CNTN5: variants seen among roughly 807,000 people sequenced by gnomAD.
The protein encoded by CNTN5 is contactin 5.
Under a neutral mutation model 129.1 loss-of-function variants are expected in CNTN5, and 77 were observed. The ratio of observed to expected loss-of-function variants is 0.60; its 90% CI spans 0.50 to 0.72. CNTN5 has a LOEUF of 0.72. CNTN5 is among the 30% of genes least tolerant of loss of function. The pLI is 0.00. For synonymous variants in CNTN5, 509 were observed against 465.6 expected, an observed-to-expected ratio of 1.09 and a Z score of -1.20; for missense variants, 1,478 against 1,328.8, an observed-to-expected ratio of 1.11 and a Z score of -1.75.
chr11:99,459,951 A>G (rs2135228768), intron 2 of CNTN5, among the ~76,000 whole-genome samples: 1 of 152,166 alleles, frequency 6.6e-6, no homozygotes, highest in East Asian at 1.9e-4. Flanking sequence ...AGCTAGTATT[A>G]CTAGACACAT....
At chr11:99,759,456 C>T (rs1050058582) in intron 3 of CNTN5, among the ~76,000 whole-genome samples, 1 of 151,904 alleles carries the variant, frequency 6.6e-6, no homozygotes, top group Non-Finnish European at 1.5e-5. Context: ...ATTATGAAGG[C>T]ACGTAAACTG....
intron 4 of CNTN5, among the ~76,000 whole-genome samples, chr11:99,834,276 C>T (rs764569218): frequency 3.7e-4 from 57 of 152,090 alleles, no homozygotes; most frequent in Non-Finnish European, 6.9e-4. Context: ...GCTGCATTCA[C>T]GGGGATTTTT....
intron 1 of CNTN5, among the ~76,000 whole-genome samples, chr11:99,323,474 T>C (rs1262663799): frequency 1.3e-5 from 2 of 152,284 alleles, no homozygotes; most frequent in African/African-American, 2.4e-5. Flanking sequence ...TAGTTCATAA[T>C]GAAATGTGAA....
chr11:100,242,343 C>A (rs750918651), intron 16 of CNTN5, among the ~76,000 whole-genome samples: 1 of 152,060 alleles, frequency 6.6e-6, no homozygotes, highest in African/African-American at 2.4e-5. Context: ...TTCTTCATTG[C>A]GTTTGTTACT....
At chr11:99,348,971 G>A (rs563999882) in intron 2 of CNTN5, among the ~76,000 whole-genome samples, 13 of 152,134 alleles carry the variant, frequency 8.5e-5, no homozygotes, top group Non-Finnish European at 1.3e-4. Context: ...AATGAAACAA[G>A]CAACAAAGAT....
At chr11:99,394,560 T>TAA (rs1292261224) in intron 2 of CNTN5, among the ~76,000 whole-genome samples, 5 of 151,664 alleles carry the variant, frequency 3.3e-5, no homozygotes, top group African/African-American at 7.2e-5. Flanking sequence ...ACTTTTATTT[T>TAA]AAGTTCGGGG....
At chr11:99,347,346 T>C (rs1172180371) in intron 2 of CNTN5, among the ~76,000 whole-genome samples, 2 of 152,194 alleles carry the variant, frequency 1.3e-5, no homozygotes, top group East Asian at 3.9e-4. Context: ...GGAAGTGTTA[T>C]AAAACTTCCA....
chr11:100,036,543 G>A (rs1192946259), intron 9 of CNTN5, among the ~76,000 whole-genome samples: 3 of 145,354 alleles, frequency 2.1e-5, no homozygotes, highest in Non-Finnish European at 4.6e-5. Context: ...CATTGAATCT[G>A]TAAATTACCT....
chr11:100,104,614 GTTAAC>G (rs749459888), intron 13 of CNTN5, among the ~76,000 whole-genome samples: 3 of 152,082 alleles, frequency 2.0e-5, no homozygotes, highest in Non-Finnish European at 2.9e-5. Flanking sequence ...GAAGGTAACA[GTTAAC>G]TTTACATGGG....
At chr11:99,420,775 T>C (rs1038132845) in intron 2 of CNTN5, among the ~76,000 whole-genome samples, 3 of 152,186 alleles carry the variant, frequency 2.0e-5, no homozygotes, top group African/African-American at 7.2e-5. Context: ...TAAGAAAATA[T>C]GGGCAAGATA....
At chr11:99,407,942 A>C (rs1326069598) in intron 2 of CNTN5, among the ~76,000 whole-genome samples, 1 of 152,136 alleles carries the variant, frequency 6.6e-6, no homozygotes, top group African/African-American at 2.4e-5. Flanking sequence ...CAGGGATTGG[A>C]GAAGTGTGAC....
intron 2 of CNTN5, among the ~76,000 whole-genome samples, chr11:99,337,806 A>C (rs1866300278): frequency 6.6e-6 from 1 of 152,150 alleles, no homozygotes; most frequent in Non-Finnish European, 1.5e-5. Flanking sequence ...AATGTATAAG[A>C]AGTCTTTTTT....
rs111295038 is a variant in CNTN5 at position 99,944,683 on chromosome 11, A to T, written c.674-12123A>T. On this transcript the variant is annotated intron_variant, in intron 7 of 24. Transcript: ENST00000524871. ...AGCTAAGTCTCAGGATACAAAATCA[A>T]TGTGCAAAAATCGCAAGCATTCTTA... Among the ~76,000 whole-genome samples the T allele has an allele frequency of 3.3e-3, 506 of 152,244 alleles. 5 individuals are homozygous for T. Among genetic ancestry groups the T allele is most frequent in the African/African-American group, 0.011 (476 of 41,580 alleles).
intron 1 of CNTN5, among the ~76,000 whole-genome samples, chr11:99,040,956 A>T (rs542444511): frequency 6.6e-6 from 1 of 152,120 alleles, no homozygotes; most frequent in Non-Finnish European, 1.5e-5. Context: ...TGCCATTCCA[A>T]TCATCAGCAT....
At chr11:100,297,318 C>A (rs747047610) in intron 18 of CNTN5, among the ~76,000 whole-genome samples, 1 of 151,224 alleles carries the variant, frequency 6.6e-6, no homozygotes, top group Non-Finnish European at 1.5e-5. Flanking sequence ...TAACAGTGAG[C>A]AATTTTAAGG....
At chr11:100,037,448 G>T (rs543498848) in intron 9 of CNTN5, among the ~76,000 whole-genome samples, 1 of 152,062 alleles carries the variant, frequency 6.6e-6, no homozygotes, top group African/African-American at 2.4e-5. Flanking sequence ...TTGTGTCTCT[G>T]CCCGGGTTTG....
intron 3 of CNTN5, among the ~76,000 whole-genome samples, chr11:99,580,804 C>G (rs10893533): frequency 0.9 from 102,241 of 113,768 alleles, 46,317 homozygotes; most frequent in East Asian, 1. Flanking sequence ...TTGATTTTTT[C>G]AAGGGTTTTT....
intron 3 of CNTN5, among the ~76,000 whole-genome samples, chr11:99,755,299 G>C (rs1944370485): frequency 1.3e-5 from 2 of 152,160 alleles, no homozygotes; most frequent in Non-Finnish European, 2.9e-5. Context: ...ACAATTGACA[G>C]ACTGTCTTCC....
At chr11:100,004,157 T>G (rs745377334) in intron 9 of CNTN5, among the ~76,000 whole-genome samples, 9 of 152,170 alleles carry the variant, frequency 5.9e-5, no homozygotes, top group Non-Finnish European at 1.2e-4. Flanking sequence ...TTGTGGGCCT[T>G]TGTCTGTTGC....
Sources: allele counts gnomAD v4.1 joint callset (sites outside exome capture counted in the v4.1 genomes callset), GRCh38; gene constraint gnomAD v4.1.1; transcripts MANE v1.5; gene names NCBI Gene and HGNC (gene_info 2026-07-23, HGNC 2026-07-21).